Variants in ZNF789 observed in about 807,000 individuals in gnomAD.
ZNF789 encodes zinc finger protein 789.
In ZNF789, 11 loss-of-function variants were observed where a neutral mutation model predicts 15.6. The ratio of observed to expected loss-of-function variants is 0.70; its 90% CI spans 0.44 to 1.16. The LOEUF (loss-of-function observed/expected upper bound fraction) is 1.16, where lower values mean the gene tolerates loss of function less well. ZNF789 is among the 50% of genes most tolerant of loss of function. The pLI is 0.00. For missense variants in ZNF789, 461 were observed against 512.6 expected, an observed-to-expected ratio of 0.90 and a Z score of 0.97; for synonymous variants, 159 against 176.0, an observed-to-expected ratio of 0.90 and a Z score of 0.76.
At position 99,479,768 on chromosome 7, in the gene ZNF789, C is replaced by T. The variant is rs138893509; in HGVS notation, c.132C>T (p.Tyr44=). 1.1e-5 allele frequency: 17 copies of T among 1,613,686 alleles called. No homozygotes were observed. The highest frequency in any genetic ancestry group is 9.3e-5 in the African/African-American group (7 of 75,030). ...DLYRDVMLEN[Y]RNMVLLGFQF... The stretch of plus-strand genomic sequence containing the variant: ...ACCGAGATGTGATGTTGGAGAACTA[C>T]AGGAACATGGTCTTGCTGGGTAGGA... Residue 44 remains tyrosine, a synonymous_variant, in exon 3 of 5, where the codon TAC becomes TAT. Transcript: ENST00000331410.
chr7:99,479,040 T>C (rs1422609274), intron 2 of ZNF789: 1 of 152,646 alleles, frequency 6.6e-6, no homozygotes, highest in Non-Finnish European at 1.5e-5. Flanking sequence ...CTCCCCACCT[T>C]ACCCCTTCAG....
chr7:99,484,657 G>A (rs940319519), intron 4 of ZNF789, among the ~76,000 whole-genome samples: 2 of 151,178 alleles, frequency 1.3e-5, no homozygotes, highest in Non-Finnish European at 2.9e-5. Flanking sequence ...GGCCTGGTAT[G>A]GGGGCTCACG....
chr7:99,483,277 G>C (rs1489958436), intron 3 of ZNF789, among the ~76,000 whole-genome samples: 3 of 151,920 alleles, frequency 2.0e-5, no homozygotes, highest in African/African-American at 7.3e-5. Context: ...AATTAGCCGG[G>C]TGGGGGCGAC....
At chr7:99,473,330 G>T (rs1049365179) in intron 1 of ZNF789, among the ~76,000 whole-genome samples, 12 of 152,206 alleles carry the variant, frequency 7.9e-5, no homozygotes, top group Non-Finnish European at 7.3e-5. Flanking sequence ...TGATTGTGAA[G>T]CGGCATTTTG....
intron 1 of ZNF789, among the ~76,000 whole-genome samples, chr7:99,474,124 T>C (rs957091931): frequency 6.6e-6 from 1 of 152,214 alleles, no homozygotes; most frequent in East Asian, 1.9e-4. Flanking sequence ...AGTCTGACAT[T>C]CAGATGCACA....
chr7:99,485,386 G>C, intron 4 of ZNF789: 1 of 707,152 alleles, frequency 1.4e-6, no homozygotes, highest in African/African-American at 1.7e-5. Context: ...AACCAGAAAT[G>C]TCTCCAGACA....
Position 99,487,432 on chromosome 7 carries a change from T to C in ZNF789, c.1222T>C (p.Trp408Arg). ...QCVICGKSFK[W>R]HTSFIKHQGT... ...TGTCATATGTGGAAAATCTTTCAAG[T>C]GGCACACAAGCTTTATTAAGCACCA... Residue 408 changes from tryptophan (W) to arginine (R), a missense_variant, in exon 5 of 5, where the codon TGG (tryptophan) becomes CGG (arginine). By Grantham distance (101) the Trp-to-Arg change is moderately radical (BLOSUM62 -3). Transcript: ENST00000331410. 6.2e-7 allele frequency: 1 copy of C among 1,614,202 alleles called. No homozygotes were observed. The highest frequency in any genetic ancestry group is 8.5e-7 in the Non-Finnish European group (1 of 1,180,036).
At chr7:99,478,110 G>A (rs2151056289) in intron 2 of ZNF789, among the ~76,000 whole-genome samples, 1 of 152,172 alleles carries the variant, frequency 6.6e-6, no homozygotes, top group South Asian at 2.1e-4. Flanking sequence ...TTTTCCATCA[G>A]TGTTACAGTG....
intron 2 of ZNF789, 58 bp downstream of exon 2, chr7:99,476,538 T>C: frequency 6.2e-7 from 1 of 1,601,470 alleles, no homozygotes; most frequent in Non-Finnish European, 8.5e-7. Flanking sequence ...AGCAGCTCCT[T>C]CCTCAGACTG....
chr7:99,483,637 AT>A (rs1346501319), intron 3 of ZNF789: 1 of 757,120 alleles, frequency 1.3e-6, no homozygotes, highest in Non-Finnish European at 2.5e-6. Context: ...AATAAAAAAA[AT>A]AAACAATTGA....
At chr7:99,477,078 C>G (rs1471483404) in intron 2 of ZNF789, among the ~76,000 whole-genome samples, 3 of 151,576 alleles carry the variant, frequency 2.0e-5, no homozygotes, top group Admixed American at 6.6e-5. Flanking sequence ...GAGTCTCACT[C>G]TGTTGCCAGG....
intron 3 of ZNF789, chr7:99,483,590 C>G (rs1216351358): frequency 4.5e-6 from 3 of 659,942 alleles, no homozygotes; most frequent in Non-Finnish European, 5.6e-6. Flanking sequence ...AAGACTGTCA[C>G]TCCAGCCTGG....
intron 3 of ZNF789, among the ~76,000 whole-genome samples, chr7:99,482,730 T>C (rs12386578): frequency 0.055 from 8,303 of 152,078 alleles, 689 homozygotes; most frequent in African/African-American, 0.18. Flanking sequence ...GGCACATGCC[T>C]GTAATCTCAG....
chr7:99,485,272 A>T (rs1228930667), intron 4 of ZNF789: 2 of 1,478,334 alleles, frequency 1.4e-6, no homozygotes, highest in Admixed American at 3.9e-5. Flanking sequence ...GGGCTGACGA[A>T]TTCTTTGGGG....
intron 4 of ZNF789, chr7:99,485,353 A>G: frequency 3.8e-6 from 3 of 794,668 alleles, no homozygotes; most frequent in Non-Finnish European, 6.4e-6. Context: ...ACTAGATGCC[A>G]GTTGAACCTC....
In ZNF789 at chr7:99,478,420, T is replaced by C; in HGVS notation, c.25-1241T>C. On this transcript the variant is annotated intron_variant, in intron 2 of 4. Transcript: ENST00000331410. ...TTTGATAGGCAGGAAAGAAAGTCCG[T>C]ATAATTTGGGAGGTTCTGGTGCCTG... 4.8e-6 allele frequency: 6 copies of C among 1,260,060 alleles called. No homozygotes were observed. In the South Asian group the frequency reaches 6.2e-5, roughly 13 times the overall value. 78.1% of individuals were successfully genotyped at this position (1,260,060 alleles called of 1,614,324 possible).
At position 99,475,823 on chromosome 7, in the gene ZNF789, T is replaced by TG. The variant is rs1554374000; in HGVS notation, c.-54-579dup. On this transcript the variant is annotated intron_variant, in intron 1 of 4. Transcript: ENST00000331410. ...TTTTCTTTCTTTTTTTTTTTTTTTT[T>TG]GAGATGGAGTCTTGCTCTGTCACCA... is the stretch of plus-strand genomic sequence containing the variant. 2.3e-3 allele frequency among the ~76,000 whole-genome samples: 343 copies of TG among 150,082 alleles called. 4 individuals are homozygous for TG. The highest frequency in any genetic ancestry group is 6.4e-4 in the Non-Finnish European group (43 of 67,536).
In ZNF789 at chr7:99,487,580, A is replaced by C. The variant is rs1562890209; in HGVS notation, c.*92A>C. The C allele has an allele frequency of 2.1e-6, 3 of 1,452,178 alleles. No homozygotes were observed. The East Asian group carries it at 6.9e-5, about 34-fold the overall frequency. 90.0% of individuals were successfully genotyped at this position (1,452,178 alleles called of 1,614,324 possible). A position where few individuals can be genotyped will look rare whatever the true frequency, so the allele number is the denominator to read the frequency against. On this transcript the variant is annotated 3_prime_UTR_variant, in exon 5 of 5. Transcript: ENST00000331410. ...TAATTGTTTCCATGAAAAGCAATAAATGTAACAAAGGGTTTTTCTATGGGA... is the reference window on the plus strand; with the variant it reads ...TAATTGTTTCCATGAAAAGCAATAACTGTAACAAAGGGTTTTTCTATGGGA...
chr7:99,477,881 G>C lies in ZNF789; in HGVS notation c.24+1401G>C, dbSNP rs566230506. Among the ~76,000 whole-genome samples, 10 of 152,340 alleles carry C rather than the reference G, an allele frequency of 6.6e-5. No homozygotes were observed. The South Asian group carries it at 8.3e-4, about 13-fold the overall frequency. ...GAGAATTGCTTGAACCGAGGAGGTG[G>C]AGGTTGCAGTGAGCCGAGATCGCGC... On this transcript the variant is annotated intron_variant, in intron 2 of 4. Coordinates refer to ENST00000331410, the MANE Select transcript of ZNF789 (RefSeq NM_213603.3).
Sources: allele counts gnomAD v4.1 joint callset (sites outside exome capture counted in the v4.1 genomes callset), GRCh38; gene constraint gnomAD v4.1.1; transcripts MANE v1.5; gene names NCBI Gene and HGNC (gene_info 2026-07-23, HGNC 2026-07-21).